Variants in AMPH observed in about 807,000 individuals in gnomAD.
AMPH encodes the protein amphiphysin (Stiff-Mann syndrome with breast cancer 128kD autoantigen).
AMPH carries 49 observed loss-of-function variants against 99.1 expected under a neutral mutation model. That is an observed-to-expected ratio of 0.49 (90% confidence interval 0.39 to 0.63). The LOEUF (loss-of-function observed/expected upper bound fraction) is 0.63, where lower values mean the gene tolerates loss of function less well. AMPH is among the 20% of genes least tolerant of loss of function. The probability of loss-of-function intolerance (pLI) is 0.00; values close to 1 mark genes in which losing one functional copy is unlikely to be tolerated. For missense variants in AMPH, 759 were observed against 863.4 expected (o/e 0.88, Z 1.52); for synonymous variants, 314 against 317.3 (o/e 0.99, Z 0.11).
intron 2 of AMPH, among the ~76,000 whole-genome samples, chr7:38,507,687 A>G (rs1310225383): frequency 1.3e-5 from 2 of 152,222 alleles, no homozygotes; most frequent in Non-Finnish European, 2.9e-5. Flanking sequence ...TGTATTGCAC[A>G]TGTGTGTGCA....
intron 7 of AMPH, among the ~76,000 whole-genome samples, chr7:38,474,147 C>T (rs571332780): frequency 6.6e-6 from 1 of 151,800 alleles, no homozygotes; most frequent in East Asian, 1.9e-4. Flanking sequence ...AAGCCCACAC[C>T]AAAAAATGAT....
At chr7:38,569,163 T>C (rs947982028) in intron 1 of AMPH, among the ~76,000 whole-genome samples, 1 of 152,018 alleles carries the variant, frequency 6.6e-6, no homozygotes, top group African/African-American at 2.4e-5. Context: ...ACCTGCATCA[T>C]ATGAAAGTTG....
chr7:38,610,852 T>A, intron 1 of AMPH, among the ~76,000 whole-genome samples: 1 of 151,372 alleles, frequency 6.6e-6, no homozygotes, highest in East Asian at 1.9e-4. Context: ...AGTTAAGGAG[T>A]ATAAGGACAG....
chr7:38,523,259 C>T (rs944652584), intron 2 of AMPH, among the ~76,000 whole-genome samples: 1 of 152,080 alleles, frequency 6.6e-6, no homozygotes, highest in African/African-American at 2.4e-5. Flanking sequence ...TGTGTATACA[C>T]ACATATATAT....
At chr7:38,448,372 A>G (rs978631693) in intron 11 of AMPH, among the ~76,000 whole-genome samples, 5 of 152,220 alleles carry the variant, frequency 3.3e-5, no homozygotes, top group African/African-American at 1.2e-4. Context: ...TTATGTTCCA[A>G]GATCCCCAGG....
At chr7:38,627,560 CAGG>C (rs1794299560) in intron 1 of AMPH, among the ~76,000 whole-genome samples, 1 of 145,714 alleles carries the variant, frequency 6.9e-6, no homozygotes, top group African/African-American at 2.6e-5. Flanking sequence ...CAGGCTGAGG[CAGG>C]AGAATGGCAT....
At chr7:38,630,970 C>A (rs1390897543) in intron 1 of AMPH, among the ~76,000 whole-genome samples, 1 of 152,178 alleles carries the variant, frequency 6.6e-6, no homozygotes, top group African/African-American at 2.4e-5. Flanking sequence ...CCTCCTACTT[C>A]TGTTGCCTGG....
In AMPH at chr7:38,631,063, C is replaced by A. The variant is rs4723776; in HGVS notation, c.69+220G>T. 0.036 allele frequency among the ~76,000 whole-genome samples: 5,473 copies of A among 152,174 alleles called. 161 individuals are homozygous for A. The highest frequency in any genetic ancestry group is 0.079 in the Admixed American group (1,209 of 15,290). On this transcript the variant is annotated intron_variant, in intron 1 of 20. Transcript: ENST00000356264. The stretch of plus-strand genomic sequence containing the variant: ...TCTCCGGGGCCAGGGTCTGCGGGTC[C>A]CCGGCGCTGCGTCCTCCCGACCCGC...
intron 14 of AMPH, among the ~76,000 whole-genome samples, chr7:38,427,418 T>C (rs1410947502): frequency 6.6e-6 from 1 of 152,220 alleles, no homozygotes; most frequent in African/African-American, 2.4e-5. Context: ...GTTGAAACAT[T>C]TCGTGTGTTC....
intron 3 of AMPH, among the ~76,000 whole-genome samples, chr7:38,501,989 G>A (rs992112834): frequency 1.3e-5 from 2 of 151,984 alleles, no homozygotes; most frequent in Non-Finnish European, 1.5e-5. Flanking sequence ...TTATTCATGA[G>A]GATAAGGCTT....
intron 2 of AMPH, 96 bp from the exon 3 acceptor site, chr7:38,503,800 C>T (rs1789233124): frequency 7.9e-7 from 1 of 1,259,444 alleles, no homozygotes; most frequent in Non-Finnish European, 1.2e-6. Flanking sequence ...TTGCCAGAAG[C>T]TCATTCTTGG....
chr7:38,424,644 G>GAA (rs138920683), intron 15 of AMPH, among the ~76,000 whole-genome samples: 1 of 147,268 alleles, frequency 6.8e-6, no homozygotes, highest in African/African-American at 2.5e-5. Context: ...GAGAACAAAG[G>GAA]AAAAAAAAAG....
intron 1 of AMPH, among the ~76,000 whole-genome samples, chr7:38,595,685 A>G (rs941226108): frequency 2.6e-5 from 4 of 152,212 alleles, no homozygotes; most frequent in Non-Finnish European, 5.9e-5. Flanking sequence ...GTAGTGACAC[A>G]GTACCCATTT....
At chr7:38,511,855 T>C (rs1343179440) in intron 2 of AMPH, among the ~76,000 whole-genome samples, 2 of 152,230 alleles carry the variant, frequency 1.3e-5, no homozygotes, top group African/African-American at 4.8e-5. Context: ...TTTGGGAACA[T>C]ATTCCAGCAG....
At chr7:38,613,435 C>T (rs13437692) in intron 1 of AMPH, among the ~76,000 whole-genome samples, 12,195 of 152,168 alleles carry the variant, frequency 0.08, 807 homozygotes, top group African/African-American at 0.17. Context: ...GCCTTCCAAC[C>T]AATTAGACTA....
chr7:38,440,315 C>A (rs1212036851), intron 11 of AMPH, among the ~76,000 whole-genome samples: 1 of 152,058 alleles, frequency 6.6e-6, no homozygotes, highest in Non-Finnish European at 1.5e-5. Context: ...AATTATATGC[C>A]CCTTGAAAAT....
At chr7:38,573,067 T>C (rs1222427565) in intron 1 of AMPH, among the ~76,000 whole-genome samples, 1 of 152,204 alleles carries the variant, frequency 6.6e-6, no homozygotes, top group Non-Finnish European at 1.5e-5. Context: ...TTCCGATTCA[T>C]TACATAGTCC....
intron 11 of AMPH, among the ~76,000 whole-genome samples, chr7:38,455,426 A>T (rs188120379): frequency 6.6e-6 from 1 of 152,150 alleles, no homozygotes; most frequent in Non-Finnish European, 1.5e-5. Context: ...AAACTAGTAC[A>T]TGCTTCTTCC....
At chr7:38,447,582 A>G (rs544127910) in intron 11 of AMPH, among the ~76,000 whole-genome samples, 3 of 152,130 alleles carry the variant, frequency 2.0e-5, no homozygotes, top group Non-Finnish European at 4.4e-5. Flanking sequence ...TATTTGATTG[A>G]CCCAGAAATC....
Sources: gnomAD v4.1 joint callset for allele counts (sites outside exome capture counted in the v4.1 genomes callset) on GRCh38, gnomAD v4.1.1 for gene constraint, MANE v1.5 for transcripts, NCBI Gene and HGNC (gene_info 2026-07-23, HGNC 2026-07-21) for gene names.